The following CDH19 variants were observed in gnomAD, a reference collection of about 807,000 sequenced individuals.
CDH19 encodes the protein cadherin-19.
A neutral mutation model predicts 64.2 loss-of-function variants in CDH19; 67 were observed. The observed-to-expected ratio is 1.04, with a 90% confidence interval of 0.86 to 1.28. The LOEUF (loss-of-function observed/expected upper bound fraction) is 1.28, where lower values mean the gene tolerates loss of function less well. Ranked by LOEUF, CDH19 falls within the 50% of genes most tolerant of loss-of-function variation. CDH19 has a pLI of 0.00. For missense variants in CDH19, 1,030 were observed against 929.0 expected (o/e 1.11, Z -1.41); for synonymous variants, 346 against 319.3 (o/e 1.08, Z -0.89).
At chr18:66,546,368 A>C (rs969532601) in intron 5 of CDH19, among the ~76,000 whole-genome samples, 1 of 152,216 alleles carries the variant, frequency 6.6e-6, no homozygotes, top group African/African-American at 2.4e-5. Flanking sequence ...ATTAAAAATC[A>C]CTGACATTAA....
In CDH19 at chr18:66,505,264, T is replaced by C; in HGVS notation, c.1867A>G (p.Lys623Glu). Residue 623 changes from lysine to glutamate, a missense_variant, in exon 12 of 12, where the codon AAA becomes GAA. Lys to Glu is a moderately conservative substitution (Grantham distance 56). Transcript: ENST00000262150. ...CTTTTCTCAGGAAATAGAATCTGTTTTCTCCGTTGTTTTAAACCCAAAGTC... is the reference window on the plus strand; with the variant it reads ...CTTTTCTCAGGAAATAGAATCTGTTCTCTCCGTTGTTTTAAACCCAAAGTC... Reference protein sequence around the residue: ...FLTLGLKQRRKQILFPEKSED... With the variant: ...FLTLGLKQRREQILFPEKSED... 6.3e-7 allele frequency: 1 copy of C among 1,583,896 alleles called. No homozygotes were observed. The highest frequency in any genetic ancestry group is 8.5e-7 in the Non-Finnish European group (1 of 1,170,050).
At chr18:66,553,844 A>G (rs1987421517) in intron 4 of CDH19, among the ~76,000 whole-genome samples, 1 of 134,590 alleles carries the variant, frequency 7.4e-6, no homozygotes, top group African/African-American at 3.4e-5. Context: ...GCAGATTGGT[A>G]GAGCAATATT....
In CDH19 at chr18:66,534,205, C is replaced by A. The variant is rs149155566; in HGVS notation, c.1336+781G>T. On this transcript the variant is annotated intron_variant, in intron 8 of 11. Transcript: ENST00000262150. The stretch of plus-strand genomic sequence containing the variant: ...AGCCTTGACATTTCCTCTGTTACAG[C>A]GGGCATTTATTCCATTGTAACATTT... Among the ~76,000 whole-genome samples the A allele has an allele frequency of 2.0e-5, 3 of 152,094 alleles. No individual in the cohort carries two copies. The East Asian group carries it at 5.8e-4, about 29-fold the overall frequency.
intron 1 of CDH19, among the ~76,000 whole-genome samples, chr18:66,572,620 A>C (rs924310155): frequency 3.2e-4 from 49 of 151,658 alleles, no homozygotes; most frequent in African/African-American, 1.2e-3. Flanking sequence ...ACTTCCTTTT[A>C]ATTTGACTTG....
chr18:66,532,853 C>G (rs1986509280), intron 8 of CDH19: 1 of 379,046 alleles, frequency 2.6e-6, no homozygotes, highest in African/African-American at 2.1e-5. Flanking sequence ...GTCACTCCAA[C>G]TACCCAGTGA....
chr18:66,599,284 A>G (rs1260639552), intron 1 of CDH19, among the ~76,000 whole-genome samples: 1 of 152,032 alleles, frequency 6.6e-6, no homozygotes, highest in Non-Finnish European at 1.5e-5. Flanking sequence ...ATGAAGAATG[A>G]CTAAGTAATA....
rs374241984 is a variant in CDH19, at chr18:66,585,517, C to T, written c.-112-13201G>A. On this transcript the variant is annotated intron_variant, in intron 1 of 11. Coordinates refer to ENST00000262150, the MANE Select transcript of CDH19 (RefSeq NM_021153.4). ...AAAATTGAGGATAATTATTATGCCT[C>T]TCAAGGTCTGTGTTCTTGATGAAAT... 2.6e-5 allele frequency among the ~76,000 whole-genome samples: 4 copies of T among 152,018 alleles called. No individual in the cohort carries two copies. The South Asian group carries it at 8.3e-4, about 31-fold the overall frequency.
At chr18:66,560,076 C>T (rs1355435222) in intron 3 of CDH19, among the ~76,000 whole-genome samples, 2 of 151,836 alleles carry the variant, frequency 1.3e-5, no homozygotes, top group African/African-American at 4.8e-5. Flanking sequence ...ACTCTGTCGC[C>T]CAGGTTGGAG....
At chr18:66,563,518 C>T (rs2144554288) in intron 3 of CDH19, among the ~76,000 whole-genome samples, 1 of 152,056 alleles carries the variant, frequency 6.6e-6, no homozygotes, top group South Asian at 2.1e-4. Context: ...GATCCACACT[C>T]TGCATATGTA....
intron 3 of CDH19, among the ~76,000 whole-genome samples, chr18:66,564,307 G>A (rs1037091020): frequency 1.3e-5 from 2 of 151,762 alleles, no homozygotes; most frequent in Admixed American, 1.3e-4. Context: ...TTTAAAATCT[G>A]AAATGCCAAA....
chr18:66,586,384 C>T (rs1450303955), intron 1 of CDH19, among the ~76,000 whole-genome samples: 1 of 152,008 alleles, frequency 6.6e-6, no homozygotes, highest in Non-Finnish European at 1.5e-5. Flanking sequence ...TACCTCTCCT[C>T]TTGGGAAGTG....
chr18:66,589,651 G>T (rs944071061), intron 1 of CDH19, among the ~76,000 whole-genome samples: 1 of 150,894 alleles, frequency 6.6e-6, no homozygotes, highest in African/African-American at 2.4e-5. Context: ...CTGCCAAATG[G>T]TATAGAAAGT....
rs201747306 is a variant in CDH19, at chr18:66,521,916, CTGTTGTTGTTGTTGT to C, written c.1458+7914_1458+7928del. Among the ~76,000 whole-genome samples, 48 of 111,514 alleles carry C rather than the reference CTGTTGTTGTTGTTGT, an allele frequency of 4.3e-4. 1 individual carries two copies. Among genetic ancestry groups the C allele is most frequent in the East Asian group, 1.2e-3 (5 of 4,272 alleles). The allele number at this position is 111,514 out of a possible 152,430, so 73.2% of individuals were successfully genotyped here. ...TACAGGGTTTATGTAGTTACTTGTT[CTGTTGTTGTTGTTGT>C]TGTTGTTGTTGTTGTTGTTGTTGTT... On this transcript the variant is annotated intron_variant, in intron 9 of 11. Transcript: ENST00000262150.
intron 1 of CDH19, among the ~76,000 whole-genome samples, chr18:66,602,441 T>C (rs1430112184): frequency 6.6e-6 from 1 of 151,954 alleles, no homozygotes; most frequent in Non-Finnish European, 1.5e-5. Flanking sequence ...CTTCAATTTA[T>C]GATAATTTAA....
At chr18:66,578,242 A>G (rs1988322449) in intron 1 of CDH19, among the ~76,000 whole-genome samples, 1 of 152,008 alleles carries the variant, frequency 6.6e-6, no homozygotes, top group Non-Finnish European at 1.5e-5. Context: ...TTAATTATAT[A>G]TCTTGTATTC....
intron 5 of CDH19, among the ~76,000 whole-genome samples, chr18:66,548,733 A>T (rs1987230759): frequency 6.6e-6 from 1 of 152,160 alleles, no homozygotes; most frequent in African/African-American, 2.4e-5. Flanking sequence ...TGAGATTTTG[A>T]GGTCGTTAAT....
intron 1 of CDH19, among the ~76,000 whole-genome samples, chr18:66,603,119 C>A (rs1329076486): frequency 6.7e-6 from 1 of 150,254 alleles, no homozygotes; most frequent in African/African-American, 2.4e-5. Context: ...TAAAGAAAAC[C>A]TTTGCCACTC....
intron 9 of CDH19, 56 bp from the exon 10 acceptor site, chr18:66,511,741 C>T (rs1212282220): frequency 2.5e-6 from 2 of 792,708 alleles, no homozygotes; most frequent in African/African-American, 1.8e-5. Context: ...AAGAAGATCA[C>T]TGCTGCTATT....
chr18:66,544,089 C>T lies in CDH19; in HGVS notation c.1096G>A (p.Glu366Lys), dbSNP rs750066958. 1 of 1,613,852 alleles carries T rather than the reference C, an allele frequency of 6.2e-7. No individual in the cohort carries two copies. Among genetic ancestry groups the T allele is most frequent in the Non-Finnish European group, 8.5e-7 (1 of 1,179,954 alleles). ...TATGGAAGGAGGAAAAGAGGAGGCT[C>T]ATCAACATCTTCCACCTGGATCTTA... is the stretch of plus-strand genomic sequence containing the variant. ...FIKIQVEDVD[E>K]PPLFLLPYYV... is the part of the protein sequence containing the mutation. Residue 366 changes from glutamate (E) to lysine (K), a missense_variant, in exon 7 of 12, where the codon GAG (glutamate) becomes AAG (lysine). By Grantham distance (56) the Glu-to-Lys change is moderately conservative (BLOSUM62 1). Transcript: ENST00000262150.
Sources: gnomAD v4.1 joint callset for allele counts (sites outside exome capture counted in the v4.1 genomes callset) on GRCh38, gnomAD v4.1.1 for gene constraint, MANE v1.5 for transcripts, NCBI Gene and HGNC (gene_info 2026-07-23, HGNC 2026-07-21) for gene names.